The following TFAP2D variants were observed in gnomAD, a reference collection of about 807,000 sequenced individuals.
TFAP2D encodes transcription factor AP-2 delta.
Under a neutral mutation model 43.6 loss-of-function variants are expected in TFAP2D, and 9 were observed. That is an observed-to-expected ratio of 0.21 (90% CI 0.12 to 0.36). The LOEUF is 0.36. Among genes scored for constraint, TFAP2D ranks in the 10% least tolerant of loss-of-function variants. TFAP2D has a pLI of 1.00. For synonymous variants in TFAP2D, 256 were observed against 224.9 expected (o/e 1.14, Z -1.24); for missense variants, 513 against 561.4 (o/e 0.91, Z 0.87).
chr6:50,743,952 T>C (rs1480998791), intron 5 of TFAP2D, among the ~76,000 whole-genome samples: 1 of 152,200 alleles, frequency 6.6e-6, no homozygotes, highest in Non-Finnish European at 1.5e-5. Context: ...TCTTTGGTAC[T>C]CTTTTATAGT....
intron 7 of TFAP2D, 26 bp downstream of exon 7, chr6:50,751,350 A>C: frequency 6.6e-7 from 1 of 1,508,232 alleles, no homozygotes; most frequent in Non-Finnish European, 9.2e-7. Context: ...CAGTTTGCTC[A>C]AATTCTTTAC....
At chr6:50,731,528 AT>A (rs1768893356) in intron 5 of TFAP2D, among the ~76,000 whole-genome samples, 1 of 151,880 alleles carries the variant, frequency 6.6e-6, no homozygotes, top group African/African-American at 2.4e-5. Context: ...TTGATTCCAT[AT>A]TTTGTTTCTT....
At position 50,772,795 on chromosome 6, in the gene TFAP2D, G is replaced by A. The variant is rs750630344; in HGVS notation, c.1290G>A (p.Ser430=). ...ATTCTGGCCAAGGACATGCCAACTC[G>A]GAGAAAGCTCCCCTGCGGAAAACTT... is the stretch of plus-strand genomic sequence containing the variant. ...AADSGQGHAN[S]EKAPLRKTSE... The change falls in exon 8 of 8, where the codon TCG becomes TCA. Residue 430 remains serine (S), a synonymous_variant. Coordinates refer to ENST00000008391, the MANE Select transcript of TFAP2D (RefSeq NM_172238.4). The A allele has an allele frequency of 2.0e-5, 33 of 1,613,924 alleles. No individual in the cohort carries two copies. The highest frequency in any genetic ancestry group is 1.6e-4 in the Middle Eastern group (1 of 6,084).
In TFAP2D at chr6:50,745,099, G is replaced by C; in HGVS notation, c.884-8G>C. 1 of 1,613,132 alleles carries C rather than the reference G, an allele frequency of 6.2e-7. No individual in the cohort carries two copies. The highest frequency in any genetic ancestry group is 8.5e-7 in the Non-Finnish European group (1 of 1,179,590). On this transcript the variant is annotated splice_region_variant and splice_polypyrimidine_tract_variant and intron_variant, in intron 5 of 7. Transcript: ENST00000008391. The stretch of plus-strand genomic sequence containing the variant: ...GGTGAGAAACTCACTTGTGTTATCT[G>C]CCAACAGGGGAGGCTTTGCACTTGG...
intron 1 of TFAP2D, 27 bp downstream of exon 1, chr6:50,714,121 T>C: frequency 2.5e-6 from 4 of 1,588,354 alleles, no homozygotes; most frequent in Non-Finnish European, 3.4e-6. Flanking sequence ...TTTTTTTTTT[T>C]TTTGAGCGCG....
At chr6:50,718,591 T>G (rs762542017) in intron 2 of TFAP2D, among the ~76,000 whole-genome samples, 57 of 152,296 alleles carry the variant, frequency 3.7e-4, no homozygotes, top group Non-Finnish European at 6.2e-4. Flanking sequence ...ACGGCCCATT[T>G]TGGGTAGGAT....
rs748424019 is a variant in TFAP2D at position 50,715,438 on chromosome 6, C to A, written c.362C>A (p.Ala121Glu). ...TTTATTAACCTGCACAATGCGCGGG[C>A]GCTCAAGTCGTCCTGCCTGGACGAG... ...TDFINLHNAR[A>E]LKSSCLDEQR... is the part of the protein sequence containing the mutation. The change falls in exon 2 of 8, where the codon GCG (alanine) becomes GAG (glutamate). Residue 121 changes from alanine (A) to glutamate (E), a missense_variant. By Grantham distance (107) the Ala-to-Glu change is moderately radical. This residue lies in a region of TFAP2D where 311 missense variants were observed against 316.2 expected (regional missense o/e 0.98). Coordinates refer to ENST00000008391, the MANE Select transcript of TFAP2D (RefSeq NM_172238.4). 7 of 1,614,160 alleles carry A rather than the reference C, an allele frequency of 4.3e-6. No homozygotes were observed. The South Asian group carries it at 5.5e-5, about 13-fold the overall frequency.
chr6:50,771,366 A>G (rs1025841323), intron 7 of TFAP2D, among the ~76,000 whole-genome samples: 1 of 152,204 alleles, frequency 6.6e-6, no homozygotes, highest in South Asian at 2.1e-4. Flanking sequence ...CATTGTGGGT[A>G]GGTTAAGTCC....
chr6:50,726,954 C>A (rs985379993), intron 3 of TFAP2D, among the ~76,000 whole-genome samples: 3 of 152,154 alleles, frequency 2.0e-5, no homozygotes, highest in Non-Finnish European at 4.4e-5. Context: ...GTATTGGCTA[C>A]AAGTTTGATG....
intron 6 of TFAP2D, among the ~76,000 whole-genome samples, chr6:50,749,264 T>C (rs1769166661): frequency 6.6e-6 from 1 of 151,826 alleles, no homozygotes; most frequent in African/African-American, 2.4e-5. Context: ...TTTAGCTTTC[T>C]CTAATTTCTT....
chr6:50,730,869 C>G (rs760382599), intron 5 of TFAP2D, among the ~76,000 whole-genome samples: 18 of 151,950 alleles, frequency 1.2e-4, no homozygotes, highest in South Asian at 2.1e-4. Context: ...TCCTTGGAAC[C>G]CTTTTCACCA....
chr6:50,757,764 TAGAATATATATA>T (rs1769307601), intron 7 of TFAP2D, among the ~76,000 whole-genome samples: 1 of 104,460 alleles, frequency 9.6e-6, no homozygotes, highest in Non-Finnish European at 1.8e-5. Context: ...TCTATATATA[TAGAATATATATA>T]ATTATTCTAT....
Position 50,714,091 on chromosome 6 carries a change from C to G in TFAP2D, c.36C>G (p.Ala12=), listed in dbSNP as rs75879710. 3 of 1,602,352 alleles carry G rather than the reference C, an allele frequency of 1.9e-6. No homozygotes were observed. The highest frequency in any genetic ancestry group is 2.6e-6 in the Non-Finnish European group (3 of 1,175,934). Residue 12 remains alanine, a synonymous_variant, in exon 1 of 8, where the codon GCC becomes GCG. Coordinates refer to ENST00000008391, the MANE Select transcript of TFAP2D (RefSeq NM_172238.4). The part of the protein sequence containing the change: ...STTFPGLVHD[A]EIRHDGSNSY... ...CCTTTCCGGGACTAGTCCACGATGC[C>G]GAGGTATTATTACTTTTTTTTTTTT... is the stretch of plus-strand genomic sequence containing the variant.
At chr6:50,740,841 T>A (rs1769033780) in intron 5 of TFAP2D, among the ~76,000 whole-genome samples, 1 of 152,188 alleles carries the variant, frequency 6.6e-6, no homozygotes. Flanking sequence ...AAACTCAGGA[T>A]CTTGGCACAA....
Position 50,766,654 on chromosome 6 carries a change from C to CTTTTTTTTTT in TFAP2D, c.1140-5975_1140-5966dup, listed in dbSNP as rs763018088. Reference sequence around the variant, plus strand: ...CCTTTTGATACCATGAGATTGCTTTCTTTTTTTTTTTTTTTTTTTTTTTTT... The same window carrying CTTTTTTTTTT: ...CCTTTTGATACCATGAGATTGCTTTCTTTTTTTTTTTTTTTTTTTTTTTTTTTTTTTTTTT... On this transcript the variant is annotated intron_variant, in intron 7 of 7. Coordinates refer to ENST00000008391, the MANE Select transcript of TFAP2D (RefSeq NM_172238.4). Among the ~76,000 whole-genome samples the CTTTTTTTTTT allele has an allele frequency of 1.4e-3, 79 of 57,380 alleles. 13 individuals carry two copies. The highest frequency in any genetic ancestry group is 2.9e-3 in the South Asian group (3 of 1,018). 37.6% of individuals were successfully genotyped at this position (57,380 alleles called of 152,430 possible).
chr6:50,743,275 T>A (rs561721268), intron 5 of TFAP2D, among the ~76,000 whole-genome samples: 1 of 152,340 alleles, frequency 6.6e-6, no homozygotes, highest in East Asian at 1.9e-4. Flanking sequence ...CTTATTGCAA[T>A]ACCTTTTATA....
intron 5 of TFAP2D, among the ~76,000 whole-genome samples, chr6:50,733,042 G>C (rs1365678613): frequency 6.6e-6 from 1 of 151,892 alleles, no homozygotes; most frequent in East Asian, 1.9e-4. Flanking sequence ...CAACTTTTCT[G>C]TTACAAATAT....
intron 7 of TFAP2D, among the ~76,000 whole-genome samples, chr6:50,770,194 C>T (rs1769504345): frequency 6.6e-6 from 1 of 152,140 alleles, no homozygotes; most frequent in South Asian, 2.1e-4. Flanking sequence ...CATTTGTTGT[C>T]CAAGATCCCA....
intron 5 of TFAP2D, among the ~76,000 whole-genome samples, 165 bp downstream of exon 5, chr6:50,729,477 CTT>C (rs1236944025): frequency 6.6e-6 from 1 of 152,132 alleles, no homozygotes; most frequent in Non-Finnish European, 1.5e-5. Context: ...TTAAATTAGA[CTT>C]AAGATTTAGA....
Sources: allele counts gnomAD v4.1 joint callset (sites outside exome capture counted in the v4.1 genomes callset), GRCh38; gene constraint gnomAD v4.1.1; regional missense constraint gnomAD v4.1.1; transcripts MANE v1.5; gene names NCBI Gene and HGNC (gene_info 2026-07-23, HGNC 2026-07-21).